Variants in DNAH11 observed in about 807,000 individuals in gnomAD.
DNAH11 encodes the protein axonemal beta dynein heavy chain 11.
In DNAH11, 442 loss-of-function variants were observed where a neutral mutation model predicts 526.0. The ratio of observed to expected loss-of-function variants is 0.84; its 90% confidence interval spans 0.78 to 0.91. The LOEUF (loss-of-function observed/expected upper bound fraction) is 0.91. Among genes scored for constraint, DNAH11 ranks in the 40% least tolerant of loss-of-function variants. The pLI is 0.00. For synonymous variants in DNAH11, 2,461 were observed against 1,935.9 expected (o/e 1.27, Z -7.12); for missense variants, 6,989 against 5,448.7 (o/e 1.28, Z -8.90).
At chr7:21,794,267 A>G (rs1335961199) in intron 61 of DNAH11, among the ~76,000 whole-genome samples, 1 of 152,000 alleles carries the variant, frequency 6.6e-6, no homozygotes, top group East Asian at 1.9e-4. Context: ...TGCTTTGTTT[A>G]TTTGGAGAGG....
In DNAH11 at chr7:21,901,281, T is replaced by TGCTGGAGTGCAGTGAGGATTTTCTA. The variant is rs772682474; in HGVS notation, c.*30_*54dup. ...GTAACACTGGCATTCCTCTAGCCTC[T>TGCTGGAGTGCAGTGAGGATTTTCTA]GCTGGAGTGCAGTGAGGATTTTCTA... On this transcript the variant is annotated 3_prime_UTR_variant, in exon 82 of 82. Coordinates refer to ENST00000409508, the MANE Select transcript of DNAH11 (RefSeq NM_001277115.2). The TGCTGGAGTGCAGTGAGGATTTTCTA allele has an allele frequency of 1.3e-6, 2 of 1,581,992 alleles. No individual in the cohort carries two copies. Among genetic ancestry groups the TGCTGGAGTGCAGTGAGGATTTTCTA allele is most frequent in the Admixed American group, 3.5e-5 (2 of 56,610 alleles).
intron 79 of DNAH11, among the ~76,000 whole-genome samples, chr7:21,896,297 A>C (rs939196515): frequency 1.3e-5 from 2 of 152,092 alleles, no homozygotes; most frequent in African/African-American, 4.8e-5. Context: ...GGTGTAAATC[A>C]TCTTGTGTTT....
chr7:21,632,298 A>G (rs1456915459), intron 25 of DNAH11, among the ~76,000 whole-genome samples: 1 of 152,120 alleles, frequency 6.6e-6, no homozygotes, highest in East Asian at 1.9e-4. Flanking sequence ...GATGCCTTGG[A>G]TACATTTTCC....
At chr7:21,587,956 A>C (rs1053711394) in intron 9 of DNAH11, 108 bp from the exon 10 acceptor site, 4 of 1,067,002 alleles carry the variant, frequency 3.7e-6, no homozygotes, top group Non-Finnish European at 5.1e-6. Context: ...GGATGCTTTT[A>C]AGATTCTAAA....
chr7:21,673,943 C>T (rs540116403), intron 30 of DNAH11, among the ~76,000 whole-genome samples: 2 of 151,474 alleles, frequency 1.3e-5, no homozygotes, highest in South Asian at 4.2e-4. Flanking sequence ...ACCTAGAAAA[C>T]TTGGGCTGCT....
chr7:21,626,545 A>C (rs1306254519), intron 25 of DNAH11, among the ~76,000 whole-genome samples: 1 of 152,112 alleles, frequency 6.6e-6, no homozygotes, highest in Admixed American at 6.6e-5. Flanking sequence ...TAGTGACTAT[A>C]CTAATTTACA....
intron 41 of DNAH11, among the ~76,000 whole-genome samples, chr7:21,711,447 C>T (rs1004630577): frequency 2.0e-5 from 3 of 152,152 alleles, no homozygotes; most frequent in East Asian, 1.9e-4. Flanking sequence ...TTAATTTTTA[C>T]AATACATGTC....
At chr7:21,686,015 G>A (rs62445281) in intron 32 of DNAH11, among the ~76,000 whole-genome samples, 23,629 of 152,102 alleles carry the variant, frequency 0.16, 1,927 homozygotes, top group Middle Eastern at 0.2. Context: ...ATTACAAGGC[G>A]AAAATCTCTA....
chr7:21,852,579 T>G lies in DNAH11; in HGVS notation c.11009T>G (p.Leu3670Arg), dbSNP rs1782684807. The G allele has an allele frequency of 6.2e-7, 1 of 1,608,406 alleles. No individual in the cohort carries two copies. The highest frequency in any genetic ancestry group is 8.5e-7 in the Non-Finnish European group (1 of 1,178,378). Residue 3670 changes from leucine (L) to arginine (R), a missense_variant, in exon 67 of 82, where the codon CTG (leucine) becomes CGG (arginine). Physicochemically the swap from Leu to Arg is moderately radical, Grantham distance 102. Transcript: ENST00000409508. ...AEGSFLDDTKLVERLEATKTT... is the reference protein window; with the variant it reads ...AEGSFLDDTKRVERLEATKTT... Reference sequence around the variant, plus strand: ...GGAAGCTTTCTGGATGACACCAAACTGGTAGAGAGATTGGAGGCAACAAAG... The same window carrying G: ...GGAAGCTTTCTGGATGACACCAAACGGGTAGAGAGATTGGAGGCAACAAAG...
intron 32 of DNAH11, among the ~76,000 whole-genome samples, chr7:21,686,116 A>T (rs1204936603): frequency 6.6e-6 from 1 of 152,240 alleles, no homozygotes; most frequent in Non-Finnish European, 1.5e-5. Context: ...TAAAATGCAG[A>T]AACACTGTCT....
intron 34 of DNAH11, 56 bp from the exon 35 acceptor site, chr7:21,690,709 T>C: frequency 7.7e-7 from 1 of 1,304,158 alleles, no homozygotes; most frequent in East Asian, 2.4e-5. Flanking sequence ...CATTTGTCAA[T>C]GTGCATTCAT....
chr7:21,852,477 C>G lies in DNAH11; in HGVS notation c.10907C>G (p.Thr3636Arg), dbSNP rs368617256. 5.0e-6 allele frequency: 8 copies of G among 1,609,060 alleles called. No homozygotes were observed. Among genetic ancestry groups the G allele is most frequent in the African/African-American group, 2.7e-5 (2 of 74,286 alleles). ...CTTGGTTTTTATTAGTTGGTATTGA[C>G]AAAGCACCAAAATGATTTTAAAATT... The part of the protein sequence containing the change: ...PDLEKLKLVL[T>R]KHQNDFKIEL... The change falls in exon 67 of 82, where the codon ACA becomes AGA. Residue 3636 changes from threonine (T) to arginine (R), a missense_variant. Physicochemically the swap from Thr to Arg is moderately conservative, Grantham distance 71. Transcript: ENST00000409508.
chr7:21,880,146 T>G (rs1267167125), intron 74 of DNAH11, among the ~76,000 whole-genome samples: 2 of 151,864 alleles, frequency 1.3e-5, no homozygotes, highest in Non-Finnish European at 2.9e-5. Flanking sequence ...GACAAGCAAT[T>G]TCATTTTCAG....
At chr7:21,653,110 A>G (rs903159059) in intron 28 of DNAH11, among the ~76,000 whole-genome samples, 1 of 152,156 alleles carries the variant, frequency 6.6e-6, no homozygotes, top group East Asian at 1.9e-4. Context: ...TCCTGACCTC[A>G]GGTGATCCAC....
chr7:21,867,802 T>C (rs1783337722), intron 71 of DNAH11, 57 bp from the exon 72 acceptor site: 1 of 1,516,046 alleles, frequency 6.6e-7, no homozygotes, highest in Non-Finnish European at 9.0e-7. Flanking sequence ...ATCCAAATGG[T>C]GACTCTTTTC....
chr7:21,543,211 C>A lies in DNAH11; in HGVS notation c.-35C>A. On this transcript the variant is annotated 5_prime_UTR_variant, in exon 1 of 82. Transcript: ENST00000409508. ...GGGGCCCAGAGTCTCGGGTGAGGAG[C>A]CAGCCGGCCTCGCGTTCCCTCGGAC... 6.7e-7 allele frequency: 1 copy of A among 1,484,504 alleles called. No individual in the cohort carries two copies. Among genetic ancestry groups the A allele is most frequent in the South Asian group, 1.3e-5 (1 of 74,988 alleles). The allele number at this position is 1,484,504 out of a possible 1,614,324, so 92.0% of individuals were successfully genotyped here. A position where few individuals can be genotyped will look rare whatever the true frequency, so the allele number is the denominator to read the frequency against.
intron 68 of DNAH11, among the ~76,000 whole-genome samples, chr7:21,857,794 A>C (rs1003403471): frequency 2.0e-5 from 3 of 152,160 alleles, no homozygotes; most frequent in Non-Finnish European, 4.4e-5. Flanking sequence ...AATAAACCTC[A>C]AACTATTATA....
At chr7:21,795,196 T>A (rs79670201) in intron 61 of DNAH11, among the ~76,000 whole-genome samples, 7,718 of 152,264 alleles carry the variant, frequency 0.051, 319 homozygotes, top group East Asian at 0.25. Flanking sequence ...CATTTAAAAA[T>A]GTAAAATCCA....
At chr7:21,604,033 G>A (rs1209720952) in intron 18 of DNAH11, among the ~76,000 whole-genome samples, 3 of 152,128 alleles carry the variant, frequency 2.0e-5, no homozygotes, top group African/African-American at 7.2e-5. Context: ...TGTATTTGGA[G>A]GGTAACGAGG....
Sources: allele counts gnomAD v4.1 joint callset (sites outside exome capture counted in the v4.1 genomes callset), GRCh38; gene constraint gnomAD v4.1.1; transcripts MANE v1.5; gene names NCBI Gene and HGNC (gene_info 2026-07-23, HGNC 2026-07-21).